The following GPR158 variants were observed in gnomAD, a reference collection of about 807,000 sequenced individuals.
The protein encoded by GPR158 is G protein-coupled receptor 158.
In GPR158, 30 loss-of-function variants were observed where a neutral mutation model predicts 78.2. The observed-to-expected ratio is 0.38, with a 90% CI of 0.29 to 0.52. The LOEUF (loss-of-function observed/expected upper bound fraction) is 0.52, where lower values mean the gene tolerates loss of function less well. GPR158 is among the 20% of genes least tolerant of loss of function. GPR158 has a pLI of 0.83. For missense variants in GPR158, 1,463 were observed against 1,523.5 expected (o/e 0.96, Z 0.66); for synonymous variants, 581 against 591.1 (o/e 0.98, Z 0.25).
Position 25,221,068 on chromosome 10 carries a change from G to A in GPR158, c.919G>A (p.Asp307Asn). The change falls in exon 2 of 11, where the codon GAC becomes AAC. Residue 307 changes from aspartate to asparagine, a missense_variant. Transcript: ENST00000376351. ...TATTTCTAGGGGTGTCATGAAAGTT[G>A]ACATAAATCTTCAGAAAGTGGACAT... ...VPEFRGVMKV[D>N]INLQKVDIDQ... is the part of the protein sequence containing the mutation. 1 of 1,573,266 alleles carries A rather than the reference G, an allele frequency of 6.4e-7. No individual in the cohort carries two copies. Among genetic ancestry groups the A allele is most frequent in the Non-Finnish European group, 8.7e-7 (1 of 1,146,544 alleles).
intron 2 of GPR158, among the ~76,000 whole-genome samples, chr10:25,301,660 A>G (rs115135330): frequency 0.016 from 2,425 of 151,886 alleles, 65 homozygotes; most frequent in African/African-American, 0.055. Flanking sequence ...AAAAGAAAAT[A>G]GTTGAGTAAC....
At chr10:25,270,385 T>A (rs149336766) in intron 2 of GPR158, among the ~76,000 whole-genome samples, 48 of 152,200 alleles carry the variant, frequency 3.2e-4, no homozygotes, top group Non-Finnish European at 6.5e-4. Flanking sequence ...CTGGTATAGT[T>A]GAAATTGTCT....
chr10:25,391,885 C>T (rs1834303372), intron 2 of GPR158, among the ~76,000 whole-genome samples: 1 of 152,110 alleles, frequency 6.6e-6, no homozygotes, highest in African/African-American at 2.4e-5. Flanking sequence ...CCCCATATAT[C>T]ATGGGAGGGA....
intron 5 of GPR158, among the ~76,000 whole-genome samples, chr10:25,506,766 C>T (rs967652702): frequency 6.6e-6 from 1 of 152,162 alleles, no homozygotes; most frequent in Admixed American, 6.5e-5. Flanking sequence ...TGATAGTATG[C>T]CTTAATTCAG....
intron 7 of GPR158, among the ~76,000 whole-genome samples, chr10:25,583,210 C>A (rs1564497379): frequency 6.6e-6 from 1 of 152,146 alleles, no homozygotes; most frequent in Non-Finnish European, 1.5e-5. Flanking sequence ...CTGTAACTTG[C>A]AACGTCTTCT....
chr10:25,175,976 C>G lies in GPR158; in HGVS notation c.556C>G (p.Pro186Ala), dbSNP rs1420314133. ...CTTCAGCACCGATTCGCTGTCCGCA[C>G]CGGCCCCACAGGTCTTCCTCCAGGC... Reference protein sequence around the residue: ...ITFSTDSLSAPAPQVFLQATR... With the variant: ...ITFSTDSLSAAAPQVFLQATR... Residue 186 changes from proline (P) to alanine (A), a missense_variant, in exon 1 of 11, where the codon CCG becomes GCG. Physicochemically the swap from Pro to Ala is conservative, Grantham distance 27 (BLOSUM62 -1). Transcript: ENST00000376351. The surrounding 1 kb of genome is among the most constrained non-coding windows in gnomAD (Gnocchi z 6.4). 6.2e-7 allele frequency: 1 copy of G among 1,613,416 alleles called. No homozygotes were observed. Among genetic ancestry groups the G allele is most frequent in the Non-Finnish European group, 8.5e-7 (1 of 1,179,948 alleles).
At position 25,599,508 on chromosome 10, in the gene GPR158, T is replaced by C; in HGVS notation, c.*234T>C. On this transcript the variant is annotated 3_prime_UTR_variant, in exon 11 of 11. Transcript: ENST00000376351. ...TTCCCTTGGTAACACTAGGAAAATC[T>C]TTCCATTTCAGCATGTTTAAGGAAA... 1 of 505,466 alleles carries C rather than the reference T, an allele frequency of 2.0e-6. No individual in the cohort carries two copies. Among genetic ancestry groups the C allele is most frequent in the Non-Finnish European group, 3.5e-6 (1 of 284,168 alleles). 31.3% of individuals were successfully genotyped at this position (505,466 alleles called of 1,614,324 possible).
chr10:25,556,745 A>G (rs978393397), intron 6 of GPR158, among the ~76,000 whole-genome samples: 6 of 152,224 alleles, frequency 3.9e-5, no homozygotes. Flanking sequence ...TTTGGAAAAT[A>G]TCCAAGCCTT....
chr10:25,200,582 T>C (rs1263003186), intron 1 of GPR158, among the ~76,000 whole-genome samples: 1 of 152,044 alleles, frequency 6.6e-6, no homozygotes, highest in Non-Finnish European at 1.5e-5. Context: ...AATCCTTGCC[T>C]ATATCCAGAA....
chr10:25,236,741 G>A (rs1252971807), intron 2 of GPR158, among the ~76,000 whole-genome samples: 1 of 151,998 alleles, frequency 6.6e-6, no homozygotes, highest in Non-Finnish European at 1.5e-5. Context: ...ACTTCAGGCA[G>A]AAGATTGTTT....
At chr10:25,368,491 A>G (rs1345642039) in intron 2 of GPR158, among the ~76,000 whole-genome samples, 3 of 151,898 alleles carry the variant, frequency 2.0e-5, no homozygotes, top group Admixed American at 6.6e-5. Context: ...AAAAATCTCA[A>G]TATCACTGAT....
At chr10:25,455,152 G>C (rs548133862) in intron 4 of GPR158, among the ~76,000 whole-genome samples, 55 of 152,250 alleles carry the variant, frequency 3.6e-4, no homozygotes, top group African/African-American at 1.2e-3. Context: ...GAAAAATTTA[G>C]TTTTTGACAT....
intron 5 of GPR158, among the ~76,000 whole-genome samples, chr10:25,470,306 C>T (rs892569895): frequency 1.3e-5 from 2 of 152,008 alleles, no homozygotes; most frequent in African/African-American, 4.8e-5. Context: ...GGGGTATTTT[C>T]GGAGGTGTTT....
chr10:25,433,547 T>TG (rs67750453), intron 4 of GPR158, among the ~76,000 whole-genome samples: 265 of 96,132 alleles, frequency 2.8e-3, no homozygotes, highest in African/African-American at 4.2e-3. Flanking sequence ...TGTGTGTGTG[T>TG]TGTGTGTGTG....
At chr10:25,302,115 A>G (rs1417812869) in intron 2 of GPR158, among the ~76,000 whole-genome samples, 1 of 139,526 alleles carries the variant, frequency 7.2e-6, no homozygotes, top group Non-Finnish European at 1.5e-5. Context: ...TCTGTCGCCC[A>G]GGCTGGAGTG....
chr10:25,455,337 C>T (rs1226596509), intron 4 of GPR158, among the ~76,000 whole-genome samples: 1 of 152,040 alleles, frequency 6.6e-6, no homozygotes, highest in Non-Finnish European at 1.5e-5. Context: ...AGTAATAGTT[C>T]AGCTTTTGAT....
chr10:25,383,615 T>TA (rs975851494), intron 2 of GPR158, among the ~76,000 whole-genome samples: 25 of 152,334 alleles, frequency 1.6e-4, no homozygotes, highest in South Asian at 1.2e-3. Context: ...GTAAAAATTG[T>TA]AACAGGTGTG....
chr10:25,389,609 G>A (rs897859292), intron 2 of GPR158, among the ~76,000 whole-genome samples: 13 of 152,164 alleles, frequency 8.5e-5, no homozygotes, highest in Admixed American at 6.5e-4. Flanking sequence ...CTTGGGACCC[G>A]CTGAATGGTG....
chr10:25,451,801 G>A (rs1336996050), intron 4 of GPR158, among the ~76,000 whole-genome samples: 2 of 152,278 alleles, frequency 1.3e-5, no homozygotes, highest in South Asian at 2.1e-4. Context: ...GTACAAAAAT[G>A]CAGCTGTTGT....
Sources: allele counts gnomAD v4.1 joint callset (sites outside exome capture counted in the v4.1 genomes callset), GRCh38; gene constraint gnomAD v4.1.1; non-coding constraint Gnocchi (gnomAD v3.1); transcripts MANE v1.5; gene names NCBI Gene and HGNC (gene_info 2026-07-23, HGNC 2026-07-21).